The following RNF213 variants were observed in gnomAD, a reference collection of about 807,000 sequenced individuals.
RNF213 encodes the protein ring finger protein 213.
In RNF213, 341 loss-of-function variants were observed where a neutral mutation model predicts 514.4. The observed-to-expected ratio is 0.66, with a 90% CI of 0.61 to 0.73. The LOEUF is 0.73. Ranked by LOEUF, RNF213 falls within the 30% of genes least tolerant of loss-of-function variation. The probability of loss-of-function intolerance (pLI) is 0.00; values close to 1 mark genes in which losing one functional copy is unlikely to be tolerated. For missense variants in RNF213, 5,767 were observed against 6,615.6 expected (o/e 0.87, Z 4.45); for synonymous variants, 2,655 against 2,658.2 (o/e 1.00, Z 0.04).
In RNF213 at chr17:80,345,053, A is replaced by G. The variant is rs112421902; in HGVS notation, c.6718A>G (p.Ile2240Val). 4.3e-6 allele frequency: 7 copies of G among 1,614,036 alleles called. No individual in the cohort carries two copies. Among genetic ancestry groups the G allele is most frequent in the African/African-American group, 2.7e-5 (2 of 74,958 alleles). The change falls in exon 29 of 68, where the codon ATT becomes GTT. Residue 2240 changes from isoleucine (I) to valine (V), a missense_variant. Coordinates refer to ENST00000582970, the MANE Select transcript of RNF213 (RefSeq NM_001256071.3). This position sits in a 1 kb window ranked among gnomAD's most constrained non-coding sequence, Gnocchi z 6.0. ...EASLFCNPSFIGDTLRGFKKF... is the reference protein window; with the variant it reads ...EASLFCNPSFVGDTLRGFKKF... ...CTCTCTCTTCTGCAATCCGAGTTTT[A>G]TTGGCGACACACTGAGGGGCTTCAA...
At chr17:80,357,160 G>T (rs766317442) in intron 36 of RNF213, among the ~76,000 whole-genome samples, 1 of 151,874 alleles carries the variant, frequency 6.6e-6, no homozygotes, top group Non-Finnish European at 1.5e-5. Flanking sequence ...CAGGTGATCC[G>T]CCCGCCTCAG....
At chr17:80,269,909 T>G (rs1196182647) in intron 2 of RNF213, among the ~76,000 whole-genome samples, 1 of 152,260 alleles carries the variant, frequency 6.6e-6, no homozygotes, top group African/African-American at 2.4e-5. Flanking sequence ...TAGTTAAGTA[T>G]GTCTCTTATT....
chr17:80,312,916 T>C (rs1270190993), intron 14 of RNF213, 96 bp from the exon 15 acceptor site: 52 of 1,418,042 alleles, frequency 3.7e-5, no homozygotes, highest in Non-Finnish European at 5.0e-5. Context: ...TTGAGCAGCC[T>C]GTGCCAGCAG....
chr17:80,272,001 G>C (rs1196805507), intron 2 of RNF213, among the ~76,000 whole-genome samples: 1 of 140,400 alleles, frequency 7.1e-6, no homozygotes, highest in Non-Finnish European at 1.6e-5. Context: ...AAAAAGAAAA[G>C]AGGCCGGGTG....
In RNF213 at chr17:80,295,784, C is replaced by T. The variant is rs372087376; in HGVS notation, c.1983C>T (p.Asp661=). ...GCTCACCAGATGAGTTTCACCGTGA[C>T]CTAAGCCACATCCTTGGGATACCTC... The part of the protein sequence containing the change: ...DASSPDEFHR[D]LSHILGIPQS... Residue 661 remains aspartate, a synonymous_variant, in exon 10 of 68, where the codon GAC becomes GAT. Coordinates refer to ENST00000582970, the MANE Select transcript of RNF213 (RefSeq NM_001256071.3). The T allele has an allele frequency of 1.2e-6, 2 of 1,614,134 alleles. No individual in the cohort carries two copies. The highest frequency in any genetic ancestry group is 1.7e-6 in the Non-Finnish European group (2 of 1,180,024).
rs769584166 is a variant in RNF213 at position 80,349,753 on chromosome 17, AT to A, written c.9952-14del. On this transcript the variant is annotated splice_polypyrimidine_tract_variant and intron_variant, in intron 29 of 67. Coordinates refer to ENST00000582970, the MANE Select transcript of RNF213 (RefSeq NM_001256071.3). Reference sequence around the variant, plus strand: ...CCTTGAAGTCTGGCAAGTAATTTGCATTTCTTAACTCTGTAGATCACCACTT... The same window carrying A: ...CCTTGAAGTCTGGCAAGTAATTTGCATTCTTAACTCTGTAGATCACCACTT... The A allele has an allele frequency of 5.9e-5, 95 of 1,613,932 alleles. No homozygotes were observed. The African/African-American group carries it at 9.7e-4, about 17-fold the overall frequency.
chr17:80,267,323 C>G (rs1402122904), intron 2 of RNF213, among the ~76,000 whole-genome samples: 1 of 151,848 alleles, frequency 6.6e-6, no homozygotes, highest in Non-Finnish European at 1.5e-5. Flanking sequence ...TACCTGTAGT[C>G]CCAGCTACTC....
intron 2 of RNF213, among the ~76,000 whole-genome samples, chr17:80,269,011 T>C (rs1289392945): frequency 6.6e-6 from 1 of 152,040 alleles, no homozygotes; most frequent in African/African-American, 2.4e-5. Context: ...TAAGTCCAAG[T>C]TTCCAAAGGC....
chr17:80,363,283 G>C lies in RNF213; in HGVS notation c.11537G>C (p.Arg3846Pro). The change falls in exon 40 of 68, where the codon CGT becomes CCT. Residue 3846 changes from arginine to proline, a missense_variant. Arg to Pro is a moderately radical substitution (Grantham distance 103, BLOSUM62 -2). Transcript: ENST00000582970. Reference sequence around the variant, plus strand: ...GTTCTCCACAGCCTGATGGAAGCCCGTTGGAACCATGAGCTGGCTGGATGT... The same window carrying C: ...GTTCTCCACAGCCTGATGGAAGCCCCTTGGAACCATGAGCTGGCTGGATGT... ...PQVLHSLMEA[R>P]WNHELAGCEM... 6.2e-7 allele frequency: 1 copy of C among 1,613,942 alleles called. No individual in the cohort carries two copies. The highest frequency in any genetic ancestry group is 8.5e-7 in the Non-Finnish European group (1 of 1,180,006).
intron 32 of RNF213, chr17:80,352,030 T>C (rs1409436959): frequency 7.8e-6 from 3 of 383,796 alleles, no homozygotes; most frequent in Admixed American, 4.2e-5. Flanking sequence ...AATTTTTGTA[T>C]GTTTAGTAGT....
chr17:80,346,771 C>G lies in RNF213; in HGVS notation c.8436C>G (p.His2812Gln). 6.2e-7 allele frequency: 1 copy of G among 1,613,822 alleles called. No homozygotes were observed. The change falls in exon 29 of 68, where the codon CAC (histidine) becomes CAG (glutamine). Residue 2812 changes from histidine to glutamine, a missense_variant. His to Gln is a conservative substitution (Grantham distance 24). This residue lies in a region of RNF213 where 105 missense variants were observed against 183.9 expected (regional missense o/e 0.57). Coordinates refer to ENST00000582970, the MANE Select transcript of RNF213 (RefSeq NM_001256071.3). The surrounding 1 kb of genome is among the most constrained non-coding windows in gnomAD (Gnocchi z 8.1). The stretch of plus-strand genomic sequence containing the variant: ...TGGTGTCCTTCCAGTGCAGCCCGCA[C>G]TCCACCCCACAGGGCATCATCAGCA... ...VHLVSFQCSP[H>Q]STPQGIISTF...
Position 80,294,632 on chromosome 17 carries a change from C to T in RNF213, c.1472-88C>T, listed in dbSNP as rs1266457292. On this transcript the variant is annotated intron_variant, in intron 8 of 67. Coordinates refer to ENST00000582970, the MANE Select transcript of RNF213 (RefSeq NM_001256071.3). ...TGCCCCATTTACTCCATATCTGTAC[C>T]AGTCGTGATCAGCCTTCTAGGCTAG... 4.1e-6 allele frequency: 6 copies of T among 1,474,718 alleles called. No homozygotes were observed. In the African/African-American group the frequency reaches 7.0e-5, roughly 17 times the overall value. 91.4% of individuals were successfully genotyped at this position (1,474,718 alleles called of 1,614,324 possible). A position where few individuals can be genotyped will look rare whatever the true frequency, so the allele number is the denominator to read the frequency against.
At position 80,278,469 on chromosome 17, in the gene RNF213, TTGGCAGGGTGCCGTGAGCC is replaced by T. The variant is rs917742154; in HGVS notation, c.261+5079_261+5097del. Among the ~76,000 whole-genome samples the T allele has an allele frequency of 7.9e-5, 12 of 152,284 alleles. No homozygotes were observed. The South Asian group carries it at 1.2e-3, about 16-fold the overall frequency. On this transcript the variant is annotated intron_variant, in intron 3 of 67. Coordinates refer to ENST00000582970, the MANE Select transcript of RNF213 (RefSeq NM_001256071.3). ...GGGAGCCTGGTAGGGTGCTGGGAGC[TTGGCAGGGTGCCGTGAGCC>T]TGGCAGGGTGCCGCCTCTGGTGTGG...
chr17:80,375,467 C>T (rs566756383), intron 50 of RNF213, among the ~76,000 whole-genome samples: 7 of 151,758 alleles, frequency 4.6e-5, no homozygotes, highest in East Asian at 1.9e-4. Context: ...TTTGGGAGGC[C>T]GAGGCATGCA....
At chr17:80,357,283 AC>A (rs2078865608) in intron 36 of RNF213, among the ~76,000 whole-genome samples, 1 of 152,208 alleles carries the variant, frequency 6.6e-6, no homozygotes, top group South Asian at 2.1e-4. Context: ...GTAAATATAT[AC>A]AACAAAATAT....
intron 3 of RNF213, among the ~76,000 whole-genome samples, chr17:80,280,901 G>A (rs958853656): frequency 2.6e-5 from 4 of 152,068 alleles, no homozygotes; most frequent in Non-Finnish European, 5.9e-5. Context: ...TAACAGAGGC[G>A]CGACCTGGGG....
intron 2 of RNF213, among the ~76,000 whole-genome samples, chr17:80,272,150 G>A (rs1332360072): frequency 6.6e-6 from 1 of 151,678 alleles, no homozygotes; most frequent in African/African-American, 2.4e-5. Flanking sequence ...CGGGTGTGGT[G>A]GCATGCACCT....
At chr17:80,267,069 T>G (rs1215242154) in intron 2 of RNF213, among the ~76,000 whole-genome samples, 2 of 151,836 alleles carry the variant, frequency 1.3e-5, no homozygotes, top group African/African-American at 4.8e-5. Context: ...ATGCAAAAAT[T>G]AGCTGGGTGT....
intron 55 of RNF213, among the ~76,000 whole-genome samples, chr17:80,380,383 A>G (rs2079943105): frequency 6.6e-6 from 1 of 152,198 alleles, no homozygotes; most frequent in Admixed American, 6.5e-5. Context: ...TTTGCCACTG[A>G]GAGCATCGGC....
Sources: allele counts gnomAD v4.1 joint callset (sites outside exome capture counted in the v4.1 genomes callset), GRCh38; gene constraint gnomAD v4.1.1; regional missense constraint gnomAD v4.1.1; non-coding constraint Gnocchi (gnomAD v3.1); transcripts MANE v1.5; gene names NCBI Gene and HGNC (gene_info 2026-07-23, HGNC 2026-07-21).